The following NRG1 variants were observed in gnomAD, a reference collection of about 807,000 sequenced individuals.
The protein encoded by NRG1 is neuregulin 1.
Under a neutral mutation model 63.8 loss-of-function variants are expected in NRG1, and 18 were observed. The observed-to-expected ratio is 0.28, with a 90% CI of 0.19 to 0.42. The LOEUF is 0.42. NRG1 is among the 10% of genes least tolerant of loss of function. The pLI is 1.00. For missense variants in NRG1, 762 were observed against 814.7 expected, an observed-to-expected ratio of 0.94 and a Z score of 0.79; for synonymous variants, 302 against 301.3, an observed-to-expected ratio of 1.00 and a Z score of -0.02.
intron 1 of NRG1, among the ~76,000 whole-genome samples, chr8:32,217,771 T>C (rs1216998310): frequency 6.6e-6 from 1 of 152,210 alleles, no homozygotes; most frequent in Non-Finnish European, 1.5e-5. Context: ...ACCTAGGATA[T>C]GTCAGCCAGT....
chr8:32,354,621 G>A (rs543723717), intron 1 of NRG1, among the ~76,000 whole-genome samples: 12 of 150,868 alleles, frequency 8.0e-5, no homozygotes, highest in Non-Finnish European at 1.5e-4. Context: ...GGCTGGGCGT[G>A]GTGGCTCATG....
intron 1 of NRG1, among the ~76,000 whole-genome samples, chr8:32,294,961 A>G (rs1326070893): frequency 6.6e-6 from 1 of 152,126 alleles, no homozygotes; most frequent in Non-Finnish European, 1.5e-5. Flanking sequence ...ACTAACACCT[A>G]CTTATAAAAA....
intron 1 of NRG1, among the ~76,000 whole-genome samples, chr8:32,495,378 G>A (rs1185084320): frequency 6.6e-6 from 1 of 152,190 alleles, no homozygotes; most frequent in Non-Finnish European, 1.5e-5. Flanking sequence ...CTTCCACCAT[G>A]ATTGTGAGGC....
chr8:32,661,134 T>C (rs2439324), intron 5 of NRG1, among the ~76,000 whole-genome samples: 145,379 of 152,318 alleles, frequency 0.95, 69,524 homozygotes, highest in East Asian at 1. Context: ...TGAATAAAAA[T>C]GCTGCCCTCT....
At chr8:32,730,351 G>T (rs1332868355) in intron 6 of NRG1, among the ~76,000 whole-genome samples, 1 of 152,120 alleles carries the variant, frequency 6.6e-6, no homozygotes, top group Admixed American at 6.6e-5. Flanking sequence ...TATTCGGGAG[G>T]CTAAGGTGGG....
rs1563536134 is a variant in NRG1, at chr8:31,894,546, C to CTTTCTTTTT, written c.37+255118_37+255119insCTTTTTTTT. On this transcript the variant is annotated intron_variant, in intron 1 of 10. Coordinates refer to the NRG1 transcript ENST00000519301. ...GTGAAATCATAATTGCTATTTCTTT[C>CTTTCTTTTT]TTTTTTCTTTTTTTTTTTTTTTGAG... Among the ~76,000 whole-genome samples the CTTTCTTTTT allele has an allele frequency of 4.1e-5, 4 of 98,070 alleles. 1 individual carries two copies. Among genetic ancestry groups the CTTTCTTTTT allele is most frequent in the African/African-American group, 1.3e-4 (4 of 30,130 alleles). 64.3% of individuals were successfully genotyped at this position (98,070 alleles called of 152,430 possible). A position where few individuals can be genotyped will look rare whatever the true frequency, so the allele number is the denominator to read the frequency against.
At chr8:32,527,147 T>C (rs1416468553) in intron 1 of NRG1, among the ~76,000 whole-genome samples, 4 of 152,158 alleles carry the variant, frequency 2.6e-5, no homozygotes, top group African/African-American at 9.7e-5. Context: ...TGGCATCTAC[T>C]CAAAGGAAAA....
intron 1 of NRG1, among the ~76,000 whole-genome samples, chr8:32,512,587 T>A (rs1013330536): frequency 6.6e-6 from 1 of 152,204 alleles, no homozygotes; most frequent in Non-Finnish European, 1.5e-5. Flanking sequence ...ATGGTAAGTA[T>A]CTTTTCCTAG....
chr8:32,112,507 T>G (rs928337969), intron 1 of NRG1, among the ~76,000 whole-genome samples: 6 of 152,212 alleles, frequency 3.9e-5, no homozygotes, highest in African/African-American at 1.4e-4. Context: ...CTTCTTTGCA[T>G]CCATCTTGCA....
intron 1 of NRG1, among the ~76,000 whole-genome samples, chr8:32,199,650 T>G (rs774642868): frequency 6.6e-6 from 1 of 152,238 alleles, no homozygotes; most frequent in Non-Finnish European, 1.5e-5. Context: ...TTTTTCTTTC[T>G]GCTGTTGTTT....
downstream of NRG1, among the ~76,000 whole-genome samples, chr8:32,771,751 G>T (rs1179471402): frequency 7.2e-6 from 1 of 138,590 alleles, no homozygotes. Context: ...GGCCTGGCAC[G>T]GTGGCTCATG....
intron 1 of NRG1, among the ~76,000 whole-genome samples, chr8:32,090,577 T>A (rs1443856315): frequency 6.6e-6 from 1 of 152,174 alleles, no homozygotes; most frequent in Non-Finnish European, 1.5e-5. Context: ...GGCCTCAGCC[T>A]CCCAAAGTGC....
At chr8:32,157,651 T>A (rs1228744749) in intron 1 of NRG1, among the ~76,000 whole-genome samples, 2 of 149,452 alleles carry the variant, frequency 1.3e-5, no homozygotes, top group African/African-American at 2.4e-5. Flanking sequence ...CATCTCAAAA[T>A]ATATATATTT....
intron 5 of NRG1, among the ~76,000 whole-genome samples, chr8:32,712,026 TA>T (rs1485263147): frequency 6.6e-6 from 1 of 152,154 alleles, no homozygotes; most frequent in Non-Finnish European, 1.5e-5. Flanking sequence ...AACTTATTAT[TA>T]TTACCCTTAC....
chr8:32,171,773 C>G (rs1410821638), intron 1 of NRG1, among the ~76,000 whole-genome samples: 1 of 152,210 alleles, frequency 6.6e-6, no homozygotes, highest in East Asian at 1.9e-4. Context: ...TGAGATCAAA[C>G]TGCCAGGCGG....
At chr8:31,748,531 C>A (rs1293939373) in intron 1 of NRG1, among the ~76,000 whole-genome samples, 2 of 151,886 alleles carry the variant, frequency 1.3e-5, no homozygotes, top group Non-Finnish European at 2.9e-5. Flanking sequence ...ACCATACAAG[C>A]AAACACAAAT....
intron 1 of NRG1, among the ~76,000 whole-genome samples, chr8:31,903,956 CAAAA>C (rs575640192): frequency 6.6e-6 from 1 of 150,764 alleles, no homozygotes; most frequent in African/African-American, 2.4e-5. Flanking sequence ...TGTCTCAAAA[CAAAA>C]AAAAATTTCT....
chr8:32,434,343 C>T (rs954400686), intron 1 of NRG1, among the ~76,000 whole-genome samples: 3 of 152,074 alleles, frequency 2.0e-5, no homozygotes, highest in Admixed American at 1.3e-4. Context: ...GTGCTAAAAG[C>T]ATTGTTCTGC....
intron 1 of NRG1, among the ~76,000 whole-genome samples, chr8:31,795,318 G>T (rs1821097801): frequency 6.6e-6 from 1 of 152,180 alleles, no homozygotes; most frequent in Admixed American, 6.5e-5. Flanking sequence ...ACTTCTACGT[G>T]TGCATATTTG....
Sources: allele counts gnomAD v4.1 joint callset (sites outside exome capture counted in the v4.1 genomes callset), GRCh38; gene constraint gnomAD v4.1.1; transcripts MANE v1.5; gene names NCBI Gene and HGNC (gene_info 2026-07-23, HGNC 2026-07-21).